Variants in DLG4 observed in about 807,000 individuals in gnomAD.
The protein encoded by DLG4 is discs large MAGUK scaffold protein 4.
DLG4 carries 7 observed loss-of-function variants against 93.8 expected under a neutral mutation model. The observed-to-expected ratio is 0.07, with a 90% CI of 0.04 to 0.14. The LOEUF (loss-of-function observed/expected upper bound fraction) is 0.14. Among genes scored for constraint, DLG4 ranks in the 10% least tolerant of loss-of-function variants. DLG4 has a pLI of 1.00. For missense variants in DLG4, 545 were observed against 992.9 expected (o/e 0.55, Z 6.06); for synonymous variants, 341 against 387.6 (o/e 0.88, Z 1.41).
At chr17:7,204,378 G>C (rs559804248) in intron 2 of DLG4, 126 bp from the exon 3 acceptor site, 60 of 887,686 alleles carry the variant, frequency 6.8e-5, no homozygotes, top group Non-Finnish European at 9.5e-5. Flanking sequence ...GCCACCCTGA[G>C]AGCTGCTCAA....
chr17:7,219,913 CCAGGACGTGGGCGTG>C, upstream of DLG4: 4 of 677,066 alleles, frequency 5.9e-6, no homozygotes, highest in Non-Finnish European at 8.5e-6. Flanking sequence ...GTTAGGGGCG[CCAGGACGTGGGCGTG>C]CAGGACGCCA....
intron 2 of DLG4, chr17:7,207,933 G>C: frequency 8.6e-6 from 5 of 582,470 alleles, no homozygotes; most frequent in Non-Finnish European, 1.2e-5. Flanking sequence ...CCAGACCCCA[G>C]GAGCCCAAGC....
chr17:7,214,298 G>C (rs1333529141), intron 1 of DLG4, among the ~76,000 whole-genome samples: 1 of 151,942 alleles, frequency 6.6e-6, no homozygotes, highest in African/African-American at 2.4e-5. Context: ...GCCACGCCAC[G>C]CCCATCCCAG....
In DLG4 at chr17:7,203,151, AC is replaced by A. The variant is rs1309359694; in HGVS notation, c.642+41del. 6.4e-7 allele frequency: 1 copy of A among 1,571,568 alleles called. No individual in the cohort carries two copies. The highest frequency in any genetic ancestry group is 2.3e-5 in the East Asian group (1 of 44,128). ...GGGCCTGCCAGGGCTAGTAGGTGAG[AC>A]CCAAATCTGGGCTAGAAAATGGGCT... On this transcript the variant is annotated intron_variant, in intron 7 of 19. Transcript: ENST00000399506. The surrounding 1 kb of genome is among the most constrained non-coding windows in gnomAD (Gnocchi z 7.2).
At position 7,202,791 on chromosome 17, in the gene DLG4, T is replaced by G. The variant is rs1339477167; in HGVS notation, c.787+112A>C. 2.2e-6 allele frequency: 3 copies of G among 1,343,558 alleles called. No individual in the cohort carries two copies. The South Asian group carries it at 3.9e-5, about 17-fold the overall frequency. The allele number at this position is 1,343,558 out of a possible 1,614,324, so 83.2% of individuals were successfully genotyped here. A position where few individuals can be genotyped will look rare whatever the true frequency, so the allele number is the denominator to read the frequency against. On this transcript the variant is annotated intron_variant, in intron 8 of 19. Coordinates refer to ENST00000399506, the MANE Select transcript of DLG4 (RefSeq NM_001321075.3). ...AACAGCAAGGATCAGAGGTTGTGGC[T>G]ATTTCATAGGGAATATCTGAAGAGG...
intron 1 of DLG4, among the ~76,000 whole-genome samples, chr17:7,214,552 C>T (rs371820139): frequency 1.3e-5 from 2 of 152,346 alleles, no homozygotes; most frequent in South Asian, 4.1e-4. Flanking sequence ...CTCGGCTTTG[C>T]CCAATAAGGA....
chr17:7,191,655 C>T lies in DLG4; in HGVS notation c.1976+238G>A. The T allele has an allele frequency of 1.7e-6, 1 of 586,808 alleles. No homozygotes were observed. The allele number at this position is 586,808 out of a possible 1,614,324, so 36.4% of individuals were successfully genotyped here. A position where few individuals can be genotyped will look rare whatever the true frequency, so the allele number is the denominator to read the frequency against. On this transcript the variant is annotated intron_variant, in intron 18 of 19. Transcript: ENST00000399506. This position sits in a 1 kb window ranked among gnomAD's most constrained non-coding sequence, Gnocchi z 6.6. ...TTCCCAACAGCCCTAGAGGCCCTGA[C>T]TCGCCCCAGCTGGTATGCCCCAGGG...
At position 7,191,741 on chromosome 17, in the gene DLG4, C is replaced by T. The variant is rs915271252; in HGVS notation, c.1976+152G>A. 28 of 591,054 alleles carry T rather than the reference C, an allele frequency of 4.7e-5. No individual in the cohort carries two copies. Among genetic ancestry groups the T allele is most frequent in the Non-Finnish European group, 7.5e-5 (25 of 334,650 alleles). The allele number at this position is 591,054 out of a possible 1,614,324, so 36.6% of individuals were successfully genotyped here. A position where few individuals can be genotyped will look rare whatever the true frequency, so the allele number is the denominator to read the frequency against. On this transcript the variant is annotated intron_variant, in intron 18 of 19. Coordinates refer to ENST00000399506, the MANE Select transcript of DLG4 (RefSeq NM_001321075.3). The surrounding 1 kb of genome is among the most constrained non-coding windows in gnomAD (Gnocchi z 6.6). ...GGAGAGGAGGGGAAAGACCCGATTC[C>T]CCCACATCCTCTGGGTTCCAGGGAT...
intron 19 of DLG4, 118 bp from the exon 20 acceptor site, chr17:7,190,932 C>CCTGGGG: frequency 1.3e-6 from 1 of 780,130 alleles, no homozygotes. Context: ...AGCCATAAGT[C>CCTGGGG]CTGGGGCTGC....
At chr17:7,205,996 A>G (rs1405029479) in intron 2 of DLG4, among the ~76,000 whole-genome samples, 2 of 150,534 alleles carry the variant, frequency 1.3e-5, no homozygotes, top group African/African-American at 4.9e-5. Flanking sequence ...TTCAACATCC[A>G]TCTTCCAACC....
intron 2 of DLG4, among the ~76,000 whole-genome samples, chr17:7,206,344 C>T (rs1469942851): frequency 6.6e-6 from 1 of 152,134 alleles, no homozygotes; most frequent in Non-Finnish European, 1.5e-5. Flanking sequence ...AACAATCTTA[C>T]ACTTCTCAAT....
Position 7,208,317 on chromosome 17 carries a change from C to A in DLG4, c.31-78G>T. ...AGGCTGGCCGCCCTGGCCGCCGCCTCTTCCCCCAGCCAGTGCAGTGCGGAA... is the reference window on the plus strand; with the variant it reads ...AGGCTGGCCGCCCTGGCCGCCGCCTATTCCCCCAGCCAGTGCAGTGCGGAA... On this transcript the variant is annotated intron_variant, in intron 1 of 19. Coordinates refer to ENST00000399506, the MANE Select transcript of DLG4 (RefSeq NM_001321075.3). This position sits in a 1 kb window ranked among gnomAD's most constrained non-coding sequence, Gnocchi z 5.4. The A allele has an allele frequency of 8.0e-7, 1 of 1,246,278 alleles. No individual in the cohort carries two copies. The highest frequency in any genetic ancestry group is 1.0e-6 in the Non-Finnish European group (1 of 969,784). 77.2% of individuals were successfully genotyped at this position (1,246,278 alleles called of 1,614,324 possible).
chr17:7,202,614 G>C, intron 8 of DLG4: 1 of 508,682 alleles, frequency 2.0e-6, no homozygotes, highest in Middle Eastern at 3.3e-4. Flanking sequence ...ATCTTTTCCT[G>C]TACTCTGGAA....
chr17:7,201,398 G>C (rs940547732), intron 8 of DLG4, among the ~76,000 whole-genome samples: 1 of 152,138 alleles, frequency 6.6e-6, no homozygotes, highest in African/African-American at 2.4e-5. Flanking sequence ...TTATGACTGA[G>C]GGGGAGGAGT....
At position 7,187,402 on chromosome 17, in the gene DLG4, T is replaced by C. The variant is rs314254; in HGVS notation, c.*3306A>G. Among the ~76,000 whole-genome samples the C allele has an allele frequency of 0.74, 108,414 of 146,494 alleles. 40,844 individuals are homozygous for C. Among genetic ancestry groups the C allele is most frequent in the Non-Finnish European group, 0.82 (54,853 of 66,868 alleles). ...TCTCTACTAAATACAAAAAATTAGC[T>C]GGGCGTGGTGGCATGCACCTGTAAT... On this transcript the variant is annotated 3_prime_UTR_variant, in exon 20 of 20. Transcript: ENST00000399506.
intron 17 of DLG4, 89 bp downstream of exon 17, chr17:7,192,856 G>C (rs1027577223): frequency 6.5e-6 from 7 of 1,074,976 alleles, no homozygotes; most frequent in African/African-American, 6.4e-5. Flanking sequence ...GAAAGAGACA[G>C]AGAGAGAGAG....
In DLG4 at chr17:7,188,798, C is replaced by T. The variant is rs552131495; in HGVS notation, c.*1910G>A. Among the ~76,000 whole-genome samples, 1 of 152,040 alleles carries T rather than the reference C, an allele frequency of 6.6e-6. No homozygotes were observed. Among genetic ancestry groups the T allele is most frequent in the Non-Finnish European group, 1.5e-5 (1 of 68,018 alleles). On this transcript the variant is annotated 3_prime_UTR_variant, in exon 20 of 20. Transcript: ENST00000399506. ...CTACCCTCATTATTTACAAAGCTGC[C>T]TCAGATCTTTCCCATAGAGATAGGA...
chr17:7,218,171 T>C (rs2142948629), upstream of DLG4: 1 of 1,365,776 alleles, frequency 7.3e-7, no homozygotes, highest in Non-Finnish European at 1.0e-6. Context: ...GTAATATTAG[T>C]GATATTTGGC....
intron 8 of DLG4, among the ~76,000 whole-genome samples, chr17:7,198,604 C>T (rs2069940700): frequency 6.6e-6 from 1 of 150,964 alleles, no homozygotes; most frequent in Non-Finnish European, 1.5e-5. Flanking sequence ...AATCCCAGCA[C>T]TTTGGGAGGC....
Sources: allele counts gnomAD v4.1 joint callset (sites outside exome capture counted in the v4.1 genomes callset), GRCh38; gene constraint gnomAD v4.1.1; non-coding constraint Gnocchi (gnomAD v3.1); transcripts MANE v1.5; gene names NCBI Gene and HGNC (gene_info 2026-07-23, HGNC 2026-07-21).